Variants in TGS1 observed in about 807,000 individuals in gnomAD.
The protein encoded by TGS1 is trimethylguanosine synthase.
Under a neutral mutation model 92.2 loss-of-function variants are expected in TGS1, and 69 were observed. The ratio of observed to expected loss-of-function variants is 0.75; its 90% CI spans 0.62 to 0.91. The LOEUF is 0.91. Ranked by LOEUF, TGS1 falls within the 40% of genes least tolerant of loss-of-function variation. The pLI is 0.00. For missense variants in TGS1, 1,062 were observed against 1,001.2 expected, an observed-to-expected ratio of 1.06 and a Z score of -0.82; for synonymous variants, 345 against 338.1, an observed-to-expected ratio of 1.02 and a Z score of -0.22.
chr8:55,812,912 T>G, intron 11 of TGS1, 128 bp from the exon 12 acceptor site: 1 of 683,438 alleles, frequency 1.5e-6, no homozygotes. Flanking sequence ...TAGGTTCCAT[T>G]AGAGGGTTTA....
At chr8:55,796,999 C>A (rs994979831) in intron 7 of TGS1, among the ~76,000 whole-genome samples, 8 of 151,496 alleles carry the variant, frequency 5.3e-5, no homozygotes, top group African/African-American at 1.9e-4. Context: ...AAAAAAAAAA[C>A]ACAACCTTGC....
Position 55,825,830 on chromosome 8 carries a change from A to G in TGS1, c.*1127A>G, listed in dbSNP as rs1034905592. ...ACTTTTTCATTAATTCGCAATTTCA[A>G]AATCTGTCCAAATGTTCTTGGTTTT... On this transcript the variant is annotated 3_prime_UTR_variant, in exon 13 of 13. Coordinates refer to ENST00000260129, the MANE Select transcript of TGS1 (RefSeq NM_024831.8). Among the ~76,000 whole-genome samples the G allele has an allele frequency of 6.6e-6, 1 of 152,168 alleles. No homozygotes were observed. Among genetic ancestry groups the G allele is most frequent in the African/African-American group, 2.4e-5 (1 of 41,430 alleles).
chr8:55,780,160 C>CTTTTTTTTTTTTTTT (rs56871302), intron 1 of TGS1, among the ~76,000 whole-genome samples: 2 of 130,954 alleles, frequency 1.5e-5, no homozygotes, highest in African/African-American at 2.8e-5. Flanking sequence ...TCTGGCATGG[C>CTTTTTTTTTTTTTTT]TTTTTTTTTT....
chr8:55,785,993 C>A, intron 3 of TGS1, 102 bp downstream of exon 3: 1 of 896,054 alleles, frequency 1.1e-6, no homozygotes, highest in Non-Finnish European at 1.7e-6. Flanking sequence ...ACGATCAGCG[C>A]TCTCTACCTC....
rs1366557522 is a variant in TGS1 at position 55,825,330 on chromosome 8, G to C, written c.*627G>C. The C allele has an allele frequency of 6.6e-6, 1 of 152,126 alleles. No homozygotes were observed. Among genetic ancestry groups the C allele is most frequent in the African/African-American group, 2.4e-5 (1 of 41,428 alleles). The allele number at this position is 152,126 out of a possible 1,614,324, so 9.4% of individuals were successfully genotyped here. On this transcript the variant is annotated 3_prime_UTR_variant, in exon 13 of 13. Coordinates refer to ENST00000260129, the MANE Select transcript of TGS1 (RefSeq NM_024831.8). ...TCATGTCTTTGCTTCATCTGGAATT[G>C]GCTTAACACCCTTTTATAAAGTTTG...
chr8:55,785,551 C>G (rs772820745), intron 2 of TGS1, among the ~76,000 whole-genome samples, 168 bp from the exon 3 acceptor site: 17 of 152,144 alleles, frequency 1.1e-4, no homozygotes, highest in Admixed American at 6.6e-4. Flanking sequence ...ATACTCCAAC[C>G]TGGGCAGTGT....
Position 55,777,596 on chromosome 8 carries a change from G to T in TGS1, c.101+3877G>T, listed in dbSNP as rs371167743. Among the ~76,000 whole-genome samples the T allele has an allele frequency of 6.6e-5, 10 of 151,858 alleles. No homozygotes were observed. In the East Asian group the frequency reaches 1.9e-3, roughly 30 times the overall value. Reference sequence around the variant, plus strand: ...ACTCTGTCGCCCAGGCTGGAGTGCAGTGGCATGATCTCGGCTCACTGCAAC... The same window carrying T: ...ACTCTGTCGCCCAGGCTGGAGTGCATTGGCATGATCTCGGCTCACTGCAAC... On this transcript the variant is annotated intron_variant, in intron 1 of 12. Transcript: ENST00000260129.
At chr8:55,804,675 T>G (rs1420483640) in intron 9 of TGS1, among the ~76,000 whole-genome samples, 1 of 152,198 alleles carries the variant, frequency 6.6e-6, no homozygotes, top group Non-Finnish European at 1.5e-5. Context: ...AGAATTAGGT[T>G]AAGAATTGAG....
At chr8:55,817,255 G>T (rs1228210254) in intron 12 of TGS1, among the ~76,000 whole-genome samples, 1 of 152,134 alleles carries the variant, frequency 6.6e-6, no homozygotes, top group Non-Finnish European at 1.5e-5. Flanking sequence ...GTTCCTCATT[G>T]TAACAGTCAC....
chr8:55,812,387 G>T (rs1803361765), intron 11 of TGS1, among the ~76,000 whole-genome samples: 1 of 151,004 alleles, frequency 6.6e-6, no homozygotes, highest in Non-Finnish European at 1.5e-5. Context: ...AATTAGCTGG[G>T]CATGGTGGTG....
intron 1 of TGS1, among the ~76,000 whole-genome samples, chr8:55,775,964 C>T (rs768012532): frequency 2.0e-5 from 3 of 152,078 alleles, no homozygotes; most frequent in Non-Finnish European, 4.4e-5. Flanking sequence ...AAAATGAGGA[C>T]TAAAAGTATC....
chr8:55,785,371 T>C (rs1424210706), intron 2 of TGS1, among the ~76,000 whole-genome samples: 2 of 152,102 alleles, frequency 1.3e-5, no homozygotes, highest in African/African-American at 4.8e-5. Context: ...TCAATTGTTT[T>C]TTTGTTTGTT....
chr8:55,776,136 G>A (rs1401886336), intron 1 of TGS1, among the ~76,000 whole-genome samples: 1 of 152,100 alleles, frequency 6.6e-6, no homozygotes, highest in Non-Finnish European at 1.5e-5. Flanking sequence ...AGCAATTCCT[G>A]TCCCTTTTAA....
intron 2 of TGS1, among the ~76,000 whole-genome samples, chr8:55,783,589 A>G (rs761292411): frequency 6.6e-6 from 1 of 152,184 alleles, no homozygotes; most frequent in South Asian, 2.1e-4. Flanking sequence ...CCAAGTAACA[A>G]ATATAATTTA....
At chr8:55,790,500 A>G (rs1379414210) in intron 5 of TGS1, among the ~76,000 whole-genome samples, 2 of 86,544 alleles carry the variant, frequency 2.3e-5, no homozygotes. Context: ...CTCTAAGTAC[A>G]TTTCTTTTTT....
chr8:55,803,845 C>G (rs563243375), intron 9 of TGS1, among the ~76,000 whole-genome samples: 1 of 152,012 alleles, frequency 6.6e-6, no homozygotes, highest in Admixed American at 6.6e-5. Flanking sequence ...GCAAGCACTA[C>G]CATGCTTGGC....
At chr8:55,817,541 A>T (rs1033331259) in intron 12 of TGS1, among the ~76,000 whole-genome samples, 1 of 152,188 alleles carries the variant, frequency 6.6e-6, no homozygotes, top group Admixed American at 6.5e-5. Flanking sequence ...TTCTTTGCAA[A>T]TATTCTAAGT....
rs1563475470 is a variant in TGS1, at chr8:55,825,411, G to A, written c.*708G>A. 1 of 152,066 alleles carries A rather than the reference G, an allele frequency of 6.6e-6. No homozygotes were observed. The highest frequency in any genetic ancestry group is 2.1e-4 in the South Asian group (1 of 4,828). 9.4% of individuals were successfully genotyped at this position (152,066 alleles called of 1,614,324 possible). On this transcript the variant is annotated 3_prime_UTR_variant, in exon 13 of 13. Coordinates refer to ENST00000260129, the MANE Select transcript of TGS1 (RefSeq NM_024831.8). ...ACGCAATATATTTTGTAATATAGGAGTTTCTATTTTTTTATTAAAATGGCA... is the reference window on the plus strand; with the variant it reads ...ACGCAATATATTTTGTAATATAGGAATTTCTATTTTTTTATTAAAATGGCA...
intron 9 of TGS1, among the ~76,000 whole-genome samples, chr8:55,803,379 A>T (rs1324610878): frequency 6.6e-6 from 1 of 152,168 alleles, no homozygotes. Context: ...GCTCGTTTTC[A>T]TATTGGGGTT....
Sources: gnomAD v4.1 joint callset for allele counts (sites outside exome capture counted in the v4.1 genomes callset) on GRCh38, gnomAD v4.1.1 for gene constraint, MANE v1.5 for transcripts, NCBI Gene and HGNC (gene_info 2026-07-23, HGNC 2026-07-21) for gene names.